The following RHOBTB2 variants were observed in gnomAD, a reference collection of about 807,000 sequenced individuals.
The protein encoded by RHOBTB2 is Rho related BTB domain containing 2.
Under a neutral mutation model 66.5 loss-of-function variants are expected in RHOBTB2, and 39 were observed. The ratio of observed to expected loss-of-function variants is 0.59; its 90% CI spans 0.45 to 0.77. The LOEUF (loss-of-function observed/expected upper bound fraction) is 0.77. Among genes scored for constraint, RHOBTB2 ranks in the 30% least tolerant of loss-of-function variants. The pLI is 0.00. For synonymous variants in RHOBTB2, 390 were observed against 395.0 expected (o/e 0.99, Z 0.15); for missense variants, 755 against 999.1 (o/e 0.76, Z 3.29).
upstream of RHOBTB2, among the ~76,000 whole-genome samples, chr8:22,986,117 G>A (rs1485841056): frequency 6.6e-6 from 1 of 150,656 alleles, no homozygotes; most frequent in African/African-American, 2.5e-5. Flanking sequence ...CCCATGGGAG[G>A]GAACACTGCA....
At chr8:22,976,629 A>T in the RHOBTB2 span, among the ~76,000 whole-genome samples, 1 of 152,128 alleles carries the variant, frequency 6.6e-6, no homozygotes, top group Admixed American at 6.5e-5. Flanking sequence ...CATAATCCAT[A>T]GAACTTTTTT....
the RHOBTB2 span, among the ~76,000 whole-genome samples, chr8:22,964,943 A>T: frequency 6.6e-6 from 1 of 151,714 alleles, no homozygotes; most frequent in Non-Finnish European, 1.5e-5. Flanking sequence ...CAGCTTCCCG[A>T]GTAGCTGGGA....
At chr8:23,011,566 G>A (rs1811149014) in intron 7 of RHOBTB2, among the ~76,000 whole-genome samples, 1 of 152,168 alleles carries the variant, frequency 6.6e-6, no homozygotes, top group Non-Finnish European at 1.5e-5. Flanking sequence ...GGCTCTCTGA[G>A]TTGGAACAAG....
intron 2 of RHOBTB2, 117 bp from the exon 3 acceptor site, chr8:23,005,255 C>T: frequency 1.4e-6 from 1 of 712,020 alleles, no homozygotes; most frequent in Non-Finnish European, 2.5e-6. Flanking sequence ...AGCCTTGTCC[C>T]TCCATGCCCA....
rs1377274935 is a variant in RHOBTB2 at position 23,015,809 on chromosome 8, T to C, written c.1966+66T>C. On this transcript the variant is annotated intron_variant, in intron 9 of 9. Coordinates refer to ENST00000251822, the MANE Select transcript of RHOBTB2 (RefSeq NM_015178.3). ...CCCTTAGGGGTGCACAGCTCCCATG[T>C]AATCCCAGGGACCCCGAGGCTGCCA... 4.4e-6 allele frequency: 5 copies of C among 1,141,076 alleles called. No individual in the cohort carries two copies. The African/African-American group carries it at 7.7e-5, about 18-fold the overall frequency. 70.7% of individuals were successfully genotyped at this position (1,141,076 alleles called of 1,614,324 possible). A position where few individuals can be genotyped will look rare whatever the true frequency, so the allele number is the denominator to read the frequency against.
the RHOBTB2 span, among the ~76,000 whole-genome samples, chr8:22,960,100 C>T: frequency 6.6e-5 from 10 of 150,538 alleles, no homozygotes; most frequent in East Asian, 2.0e-3. Flanking sequence ...GGAGAATCGC[C>T]TGAACCCAGG....
At position 23,015,754 on chromosome 8, in the gene RHOBTB2, G is replaced by A; in HGVS notation, c.1966+11G>A. 2 of 1,591,750 alleles carry A rather than the reference G, an allele frequency of 1.3e-6. No homozygotes were observed. Among genetic ancestry groups the A allele is most frequent in the Non-Finnish European group, 1.7e-6 (2 of 1,160,684 alleles). On this transcript the variant is annotated intron_variant, in intron 9 of 9. Coordinates refer to ENST00000251822, the MANE Select transcript of RHOBTB2 (RefSeq NM_015178.3). Reference sequence around the variant, plus strand: ...AGGCCATGTCCCCAGGTGAGCATCGGGGCCAGTCCTGGCAGTACCTGCTGC... The same window carrying A: ...AGGCCATGTCCCCAGGTGAGCATCGAGGCCAGTCCTGGCAGTACCTGCTGC...
intron 7 of RHOBTB2, among the ~76,000 whole-genome samples, chr8:23,013,409 G>A (rs1421428841): frequency 1.3e-5 from 2 of 151,944 alleles, no homozygotes; most frequent in Admixed American, 6.6e-5. Context: ...CACTTTTTAT[G>A]GGCATACTGC....
At chr8:22,957,049 T>C in the RHOBTB2 span, among the ~76,000 whole-genome samples, 1 of 152,256 alleles carries the variant, frequency 6.6e-6, no homozygotes, top group Non-Finnish European at 1.5e-5. Context: ...CATCCTTAGT[T>C]AGCCCTAGTC....
intron 1 of RHOBTB2, among the ~76,000 whole-genome samples, chr8:22,990,031 C>A (rs746461277): frequency 6.6e-6 from 1 of 152,118 alleles, no homozygotes; most frequent in African/African-American, 2.4e-5. Flanking sequence ...AGCACAATCC[C>A]GGGCATGTAA....
At chr8:22,963,228 C>G in the RHOBTB2 span, among the ~76,000 whole-genome samples, 4 of 152,290 alleles carry the variant, frequency 2.6e-5, no homozygotes, top group African/African-American at 9.6e-5. Context: ...GAAAGGGAGA[C>G]AACTGACTTA....
chr8:22,999,376 G>A (rs958995563), upstream of RHOBTB2, among the ~76,000 whole-genome samples: 8 of 152,066 alleles, frequency 5.3e-5, no homozygotes, highest in Non-Finnish European at 1.2e-4. Flanking sequence ...ACCCAGACCC[G>A]CGAGCCGAGA....
At chr8:23,005,702 G>C (rs1810927380) in intron 3 of RHOBTB2, among the ~76,000 whole-genome samples, 2 of 152,178 alleles carry the variant, frequency 1.3e-5, no homozygotes, top group Admixed American at 1.3e-4. Flanking sequence ...GTAGCTCTGA[G>C]ATGATGTTTC....
chr8:22,967,232 A>C, the RHOBTB2 span, among the ~76,000 whole-genome samples: 1 of 152,342 alleles, frequency 6.6e-6, no homozygotes. Flanking sequence ...TTCAGCCTTA[A>C]AAAGGAAGAA....
At chr8:22,993,648 T>C (rs1270187238) in intron 2 of RHOBTB2, among the ~76,000 whole-genome samples, 1 of 152,266 alleles carries the variant, frequency 6.6e-6, no homozygotes, top group East Asian at 1.9e-4. Context: ...ACCGAGTTCA[T>C]TGGTTGCTCC....
the RHOBTB2 span, among the ~76,000 whole-genome samples, chr8:22,954,378 A>T: frequency 6.6e-6 from 1 of 152,176 alleles, no homozygotes; most frequent in African/African-American, 2.4e-5. Context: ...GACAAAAATC[A>T]CTCTATTGGC....
chr8:23,009,788 A>G (rs1811082016), intron 6 of RHOBTB2, among the ~76,000 whole-genome samples: 1 of 152,112 alleles, frequency 6.6e-6, no homozygotes, highest in South Asian at 2.1e-4. Context: ...ATTTGGATAT[A>G]CAAAATGTGA....
the RHOBTB2 span, among the ~76,000 whole-genome samples, chr8:22,962,207 A>T: frequency 8.0e-6 from 1 of 124,422 alleles, no homozygotes. Context: ...AAAAAAAAAA[A>T]AAAAAAGGAA....
At chr8:22,995,772 C>T, upstream of RHOBTB2, 2 of 1,399,326 alleles carry the variant, frequency 1.4e-6, no homozygotes, top group South Asian at 2.5e-5. Context: ...ACACCACGTG[C>T]CCCAGCCTGC....
Sources: gnomAD v4.1 joint callset for allele counts (sites outside exome capture counted in the v4.1 genomes callset) on GRCh38, gnomAD v4.1.1 for gene constraint, MANE v1.5 for transcripts, NCBI Gene and HGNC (gene_info 2026-07-23, HGNC 2026-07-21) for gene names.